Variants in MYH11 observed in about 807,000 individuals in gnomAD.
The protein encoded by MYH11 is myosin-11.
A neutral mutation model predicts 246.6 loss-of-function variants in MYH11; 80 were observed. The ratio of observed to expected loss-of-function variants is 0.32; its 90% confidence interval spans 0.27 to 0.39. MYH11 has a LOEUF of 0.39. Among genes scored for constraint, MYH11 ranks in the 10% least tolerant of loss-of-function variants. MYH11 has a pLI of 1.00. For missense variants in MYH11, 2,158 were observed against 2,546.8 expected, an observed-to-expected ratio of 0.85 and a Z score of 3.29; for synonymous variants, 1,071 against 1,015.5, an observed-to-expected ratio of 1.05 and a Z score of -1.04.
chr16:15,792,857 C>T (rs572782049), intron 4 of MYH11: 1 of 152,328 alleles, frequency 6.6e-6, no homozygotes, highest in African/African-American at 2.4e-5. Context: ...CCTGCCTCAT[C>T]CTCCTAAGTA....
chr16:15,826,215 GAC>G (rs1362321006), intron 2 of MYH11, among the ~76,000 whole-genome samples: 1 of 152,094 alleles, frequency 6.6e-6, no homozygotes, highest in Non-Finnish European at 1.5e-5. Context: ...AAGGTGCTGG[GAC>G]TACATTAGAA....
chr16:15,771,614 C>G lies in MYH11; in HGVS notation c.988G>C (p.Val330Leu), dbSNP rs368938309. Residue 330 changes from valine to leucine, a missense_variant, in exon 9 of 41, where the codon GTG becomes CTG. Val to Leu is a conservative substitution (Grantham distance 32). Coordinates refer to ENST00000300036, the MANE Select transcript of MYH11 (RefSeq NM_002474.3). The part of the protein sequence containing the change: ...AQDDEMFQET[V>L]EAMAIMGFSE... Reference sequence around the variant, plus strand: ...AAACCCATGATTGCCATGGCCTCCACGGTTTCCTGGAACATCTCATCATCC... The same window carrying G: ...AAACCCATGATTGCCATGGCCTCCAGGGTTTCCTGGAACATCTCATCATCC... 6 of 1,613,974 alleles carry G rather than the reference C, an allele frequency of 3.7e-6. No individual in the cohort carries two copies. The highest frequency in any genetic ancestry group is 5.1e-6 in the Non-Finnish European group (6 of 1,180,008).
chr16:15,732,570 G>C lies in MYH11; in HGVS notation c.3645C>G (p.Phe1215Leu). ...CATCACCAAAAAGCATTACCCTCTTGAACTGCTCAAGCTGCTCTGTGAGCT... is the reference window on the plus strand; with the variant it reads ...CATCACCAAAAAGCATTACCCTCTTCAACTGCTCAAGCTGCTCTGTGAGCT... ...VEELTEQLEQFKRAKANLDKN... is the reference protein window; with the variant it reads ...VEELTEQLEQLKRAKANLDKN... Residue 1215 changes from phenylalanine (F) to leucine (L), a missense_variant, in exon 27 of 41, where the codon TTC becomes TTG. Physicochemically the swap from Phe to Leu is conservative, Grantham distance 22. Coordinates refer to ENST00000300036, the MANE Select transcript of MYH11 (RefSeq NM_002474.3). The C allele has an allele frequency of 1.9e-6, 3 of 1,614,210 alleles. No homozygotes were observed. The South Asian group carries it at 3.3e-5, about 18-fold the overall frequency.
intron 13 of MYH11, among the ~76,000 whole-genome samples, 185 bp downstream of exon 13, chr16:15,757,642 A>C (rs1162713996): frequency 6.6e-6 from 1 of 152,064 alleles, no homozygotes; most frequent in Non-Finnish European, 1.5e-5. Context: ...TTGATATGAA[A>C]ATGTGGGTTA....
Position 15,741,494 on chromosome 16 carries a change from G to A in MYH11, c.2828C>T (p.Ala943Val). 1 of 1,608,880 alleles carries A rather than the reference G, an allele frequency of 6.2e-7. No homozygotes were observed. ...EEEDRGQQLQ[A>V]ERKKMAQQML... is the part of the protein sequence containing the mutation. ...CTGCTGGGCCATCTTCTTCCTTTCA[G>A]CCTGTAGCTGCTGGCCCCTGTCTTC... is the stretch of plus-strand genomic sequence containing the variant. The change falls in exon 22 of 41, where the codon GCT becomes GTT. Residue 943 changes from alanine to valine, a missense_variant. Coordinates refer to ENST00000300036, the MANE Select transcript of MYH11 (RefSeq NM_002474.3).
chr16:15,732,133 T>G (rs1378085963), intron 27 of MYH11, among the ~76,000 whole-genome samples: 1 of 151,504 alleles, frequency 6.6e-6, no homozygotes, highest in Non-Finnish European at 1.5e-5. Context: ...GGCTAATTTT[T>G]TGTATTTGTA....
At chr16:15,757,335 C>A (rs2041751535) in intron 13 of MYH11, among the ~76,000 whole-genome samples, 1 of 150,364 alleles carries the variant, frequency 6.7e-6, no homozygotes, top group Non-Finnish European at 1.5e-5. Context: ...TAGTAGAAAC[C>A]CTGTCTCTAC....
intron 1 of MYH11, among the ~76,000 whole-genome samples, chr16:15,843,413 G>A (rs527777568): frequency 5.4e-4 from 82 of 151,686 alleles, no homozygotes; most frequent in South Asian, 2.9e-3. Flanking sequence ...GGAAGAGGCC[G>A]GGCACAGTGG....
intron 6 of MYH11, among the ~76,000 whole-genome samples, chr16:15,780,163 A>T (rs2042313705): frequency 6.6e-6 from 1 of 152,088 alleles, no homozygotes; most frequent in Non-Finnish European, 1.5e-5. Context: ...GGCTAGAAAC[A>T]TTGCACAGAA....
chr16:15,742,066 C>T, intron 20 of MYH11, 175 bp from the exon 21 acceptor site: 1 of 968,712 alleles, frequency 1.0e-6, no homozygotes, highest in Non-Finnish European at 1.6e-6. Flanking sequence ...GTGCCTCTGG[C>T]ATCCAGTGGG....
chr16:15,852,188 T>C (rs1034703958), intron 1 of MYH11, among the ~76,000 whole-genome samples: 3 of 152,114 alleles, frequency 2.0e-5, no homozygotes, highest in Non-Finnish European at 4.4e-5. Context: ...AACCAATGCC[T>C]GATGATGAGG....
intron 19 of MYH11, among the ~76,000 whole-genome samples, chr16:15,747,069 C>G (rs2041436379): frequency 6.8e-6 from 1 of 148,040 alleles, no homozygotes; most frequent in South Asian, 2.1e-4. Flanking sequence ...GCCTGGGCGA[C>G]AGAGAGAGAG....
At chr16:15,820,637 T>C (rs924621003) in intron 3 of MYH11, among the ~76,000 whole-genome samples, 1 of 152,154 alleles carries the variant, frequency 6.6e-6, no homozygotes, top group Non-Finnish European at 1.5e-5. Flanking sequence ...CAAATAAATC[T>C]GTAAGAATGA....
At chr16:15,727,280 A>C (rs1487707884) in intron 27 of MYH11, among the ~76,000 whole-genome samples, 1 of 151,872 alleles carries the variant, frequency 6.6e-6, no homozygotes, top group Admixed American at 6.6e-5. Context: ...GGCTCACTGC[A>C]ACCTCCGCCT....
rs2041380066 is a variant in MYH11 at position 15,745,091 on chromosome 16, G to A, written c.2520+38C>T. ...GGCTCCAGAGTGAAGAAGCAGGGCT[G>A]GGGGCCCCTGGGAAGGGGGCTGGGG... is the stretch of plus-strand genomic sequence containing the variant. On this transcript the variant is annotated intron_variant, in intron 20 of 40. Coordinates refer to ENST00000300036, the MANE Select transcript of MYH11 (RefSeq NM_002474.3). The A allele has an allele frequency of 2.0e-6, 3 of 1,509,926 alleles. No individual in the cohort carries two copies. The African/African-American group carries it at 4.1e-5, about 21-fold the overall frequency. The allele number at this position is 1,509,926 out of a possible 1,614,324, so 93.5% of individuals were successfully genotyped here.
intron 1 of MYH11, among the ~76,000 whole-genome samples, chr16:15,838,731 G>A (rs188682118): frequency 7.9e-5 from 12 of 151,788 alleles, no homozygotes; most frequent in African/African-American, 2.9e-4. Context: ...GTGATGGTGT[G>A]CACCTGTAAT....
At chr16:15,810,733 C>T (rs968182499) in intron 3 of MYH11, among the ~76,000 whole-genome samples, 13 of 152,086 alleles carry the variant, frequency 8.5e-5, no homozygotes, top group African/African-American at 1.4e-4. Context: ...CCAGGGAAAT[C>T]GACAAAAATC....
Position 15,737,574 on chromosome 16 carries a change from C to T in MYH11, c.3168G>A (p.Leu1056=), listed in dbSNP as rs113089286. The part of the protein sequence containing the change: ...EEKSRQELEK[L]KRKLEGDASD... ...TGGCATCACCCTCCAGCTTCCGTTT[C>T]AGCTTCTCCAGCTCCTGTCGGCTCT... The change falls in exon 25 of 41, where the codon CTG becomes CTA. Residue 1056 remains leucine, a synonymous_variant. Coordinates refer to ENST00000300036, the MANE Select transcript of MYH11 (RefSeq NM_002474.3). 3.2e-5 allele frequency: 52 copies of T among 1,613,750 alleles called. No individual in the cohort carries two copies. Among genetic ancestry groups the T allele is most frequent in the South Asian group, 2.6e-4 (24 of 91,080 alleles).
chr16:15,800,353 C>T (rs2042851715), intron 3 of MYH11, among the ~76,000 whole-genome samples: 1 of 137,590 alleles, frequency 7.3e-6, no homozygotes, highest in African/African-American at 2.7e-5. Context: ...GACAGGAAGA[C>T]AAATGGATGA....
Sources: gnomAD v4.1 joint callset for allele counts (sites outside exome capture counted in the v4.1 genomes callset) on GRCh38, gnomAD v4.1.1 for gene constraint, MANE v1.5 for transcripts, NCBI Gene and HGNC (gene_info 2026-07-23, HGNC 2026-07-21) for gene names.